Variants in ANKRA2 observed in about 807,000 individuals in gnomAD.
ANKRA2 encodes ankyrin repeat family A member 2, also known as ankyrin repeat family A protein 2.
In ANKRA2, 33 loss-of-function variants were observed where a neutral mutation model predicts 37.8. The ratio of observed to expected loss-of-function variants is 0.87; its 90% CI spans 0.66 to 1.17. The LOEUF is 1.17. Among genes scored for constraint, ANKRA2 ranks in the 50% most tolerant of loss-of-function variants. The probability of loss-of-function intolerance (pLI) is 0.00; values close to 1 mark genes in which losing one functional copy is unlikely to be tolerated. For synonymous variants in ANKRA2, 126 were observed against 132.3 expected, an observed-to-expected ratio of 0.95 and a Z score of 0.33; for missense variants, 326 against 373.7, an observed-to-expected ratio of 0.87 and a Z score of 1.05.
At chr5:73,555,053 A>G (rs967263169) in intron 5 of ANKRA2, 67 bp from the exon 6 acceptor site, 3 of 1,559,386 alleles carry the variant, frequency 1.9e-6, no homozygotes. Context: ...TATTCCTGTC[A>G]ACAATAATTA....
chr5:73,560,279 C>A (rs1056930993), intron 3 of ANKRA2, among the ~76,000 whole-genome samples: 2 of 152,124 alleles, frequency 1.3e-5, no homozygotes, highest in Admixed American at 6.6e-5. Context: ...AAATCTATCA[C>A]CTCACATACT....
chr5:73,563,178 T>C (rs1401133527), intron 1 of ANKRA2, among the ~76,000 whole-genome samples, 193 bp from the exon 2 acceptor site: 1 of 152,224 alleles, frequency 6.6e-6, no homozygotes, highest in East Asian at 1.9e-4. Flanking sequence ...GTGTGACCTG[T>C]AGAAGTTACT....
At chr5:73,557,126 C>T (rs1217515115) in intron 4 of ANKRA2, among the ~76,000 whole-genome samples, 2 of 150,582 alleles carry the variant, frequency 1.3e-5, no homozygotes, top group Admixed American at 6.6e-5. Flanking sequence ...ACATAGAACA[C>T]GTACATGCAA....
At position 73,565,484 on chromosome 5, in the gene ANKRA2, G is replaced by A. The variant is rs343108; in HGVS notation, c.-457C>T. ...CTAAAAAACGTTCCGCAGCAATGCA[G>A]CTGAAACTTTCGGGTTTTCTTTTTT... On this transcript the variant is annotated 5_prime_UTR_variant, in exon 1 of 9. Transcript: ENST00000296785. 0.18 allele frequency: 45,455 copies of A among 257,552 alleles called. 4,633 individuals are homozygous for A. Among genetic ancestry groups the A allele is most frequent in the Non-Finnish European group, 0.22 (27,836 of 128,038 alleles). 16.0% of individuals were successfully genotyped at this position (257,552 alleles called of 1,614,324 possible).
chr5:73,563,392 T>C (rs1035102825), intron 1 of ANKRA2, among the ~76,000 whole-genome samples: 2 of 152,204 alleles, frequency 1.3e-5, no homozygotes, highest in South Asian at 2.1e-4. Context: ...ACAATGAAAA[T>C]AAACTTTAAT....
At chr5:73,556,409 A>G (rs930637110) in intron 4 of ANKRA2, among the ~76,000 whole-genome samples, 4 of 152,334 alleles carry the variant, frequency 2.6e-5, no homozygotes, top group Admixed American at 2.0e-4. Context: ...CAGTTTTGGG[A>G]CAACTGGCTA....
intron 6 of ANKRA2, 142 bp from the exon 7 acceptor site, chr5:73,554,530 GAACT>G (rs1747346060): frequency 8.1e-6 from 5 of 618,586 alleles, no homozygotes; most frequent in East Asian, 5.8e-5. Flanking sequence ...ACTTAAATCA[GAACT>G]AATAATTGAG....
intron 3 of ANKRA2, among the ~76,000 whole-genome samples, chr5:73,559,927 TA>T (rs1447694957): frequency 6.6e-6 from 1 of 151,908 alleles, no homozygotes; most frequent in Non-Finnish European, 1.5e-5. Context: ...CCTAGCTAAT[TA>T]AAAAAAATTT....
At chr5:73,557,463 T>A in intron 4 of ANKRA2, 112 bp downstream of exon 4, 1 of 537,030 alleles carries the variant, frequency 1.9e-6, no homozygotes, top group Admixed American at 4.1e-5. Context: ...GCCTGGTGAG[T>A]TTATGTAACT....
chr5:73,562,746 G>A lies in ANKRA2; in HGVS notation c.136C>T (p.Gln46Ter), dbSNP rs1580381509. 2 of 1,614,038 alleles carry A rather than the reference G, an allele frequency of 1.2e-6. No individual in the cohort carries two copies. The highest frequency in any genetic ancestry group is 8.5e-7 in the Non-Finnish European group (1 of 1,180,044). ...LDPNSEEGSAQGVAMGMKFIL... is the reference protein window; with the variant it reads ...LDPNSEEGSA ...AATTTCATTCCCATGGCAACACCCT[G>A]AGCTGACCCTTCTTCTGAATTTGGG... is the stretch of plus-strand genomic sequence containing the variant. Residue 46 changes from glutamine (Q) to a stop codon, truncating the protein, a stop_gained, in exon 2 of 9, where the codon CAG (glutamine) becomes TAG (stop). Coordinates refer to ENST00000296785, the MANE Select transcript of ANKRA2 (RefSeq NM_023039.5). LOFTEE classifies it high-confidence loss of function.
chr5:73,562,198 G>A (rs1239947348), intron 2 of ANKRA2, among the ~76,000 whole-genome samples: 1 of 151,852 alleles, frequency 6.6e-6, no homozygotes, highest in Non-Finnish European at 1.5e-5. Flanking sequence ...TGTATTTTTA[G>A]TAGAGACGAG....
rs955772299 is a variant in ANKRA2, at chr5:73,553,466, T to C, written c.826A>G (p.Ile276Val). 2.5e-6 allele frequency: 4 copies of C among 1,613,366 alleles called. No homozygotes were observed. Among genetic ancestry groups the C allele is most frequent in the Non-Finnish European group, 3.4e-6 (4 of 1,179,548 alleles). Residue 276 changes from isoleucine (I) to valine (V), a missense_variant, in exon 8 of 9, where the codon ATT (isoleucine) becomes GTT (valine). Ile to Val is a conservative substitution (Grantham distance 29). This residue lies in a region of ANKRA2 where 228 missense variants were observed against 260.2 expected (regional missense o/e 0.88). Transcript: ENST00000296785. ...GAATTATATCCAGAGTCAGTTTCAA[T>C]TGTTGGATCAGCCCCACTTTCTATA... ...MLLESGADPT[I>V]ETDSGYNSMD...
chr5:73,555,023 A>G (rs759853416), intron 5 of ANKRA2, 37 bp from the exon 6 acceptor site: 1 of 1,590,958 alleles, frequency 6.3e-7, no homozygotes, highest in Non-Finnish European at 8.5e-7. Context: ...CTTCTCAATT[A>G]GTTTAAACAA....
intron 4 of ANKRA2, among the ~76,000 whole-genome samples, chr5:73,556,136 C>T (rs1489773149): frequency 2.6e-5 from 4 of 152,306 alleles, no homozygotes; most frequent in South Asian, 4.1e-4. Context: ...GGTTTGCTAA[C>T]ATAATGTTAT....
intron 1 of ANKRA2, among the ~76,000 whole-genome samples, chr5:73,563,358 C>A (rs1747606972): frequency 6.6e-6 from 1 of 152,162 alleles, no homozygotes; most frequent in Admixed American, 6.5e-5. Context: ...CTGAATATCA[C>A]CAAATGGATA....
In ANKRA2 at chr5:73,553,414, T is replaced by G; in HGVS notation, c.878A>C (p.Tyr293Ser). Residue 293 changes from tyrosine to serine, a missense_variant, in exon 8 of 9, where the codon TAT becomes TCT. Tyr to Ser is a moderately radical substitution (Grantham distance 144). This residue lies in a region of ANKRA2 where 228 missense variants were observed against 260.2 expected (regional missense o/e 0.88). Transcript: ENST00000296785. ...NSMDLAVALG[Y>S]RSVQQVIESH... Reference sequence around the variant, plus strand: ...AGTTCTAACATACTTACCACTTCTATAGCCTAGGGCTACAGCTAGATCCAT... The same window carrying G: ...AGTTCTAACATACTTACCACTTCTAGAGCCTAGGGCTACAGCTAGATCCAT... 6.2e-7 allele frequency: 1 copy of G among 1,612,054 alleles called. No individual in the cohort carries two copies. The highest frequency in any genetic ancestry group is 8.5e-7 in the Non-Finnish European group (1 of 1,178,658).
In ANKRA2 at chr5:73,556,096, T is replaced by C. The variant is rs560809406; in HGVS notation, c.515-511A>G. On this transcript the variant is annotated intron_variant, in intron 4 of 8. Transcript: ENST00000296785. ...GCTATCTTCTACTCCATAGCTAACATTGCTGCCTGTGAATTTCTCTCATTC... is the reference window on the plus strand; with the variant it reads ...GCTATCTTCTACTCCATAGCTAACACTGCTGCCTGTGAATTTCTCTCATTC... Among the ~76,000 whole-genome samples, 10 of 152,348 alleles carry C rather than the reference T, an allele frequency of 6.6e-5. No individual in the cohort carries two copies. The South Asian group carries it at 1.7e-3, about 25-fold the overall frequency.
intron 4 of ANKRA2, among the ~76,000 whole-genome samples, chr5:73,556,925 T>C (rs960888865): frequency 1.3e-5 from 2 of 151,068 alleles, no homozygotes; most frequent in African/African-American, 4.8e-5. Context: ...ACAGAAACTC[T>C]AGCTCTTGTG....
At position 73,559,380 on chromosome 5, in the gene ANKRA2, G is replaced by T. The variant is rs556886263; in HGVS notation, c.449-1740C>A. The stretch of plus-strand genomic sequence containing the variant: ...TTTTTTAACATACTTATACTATATA[G>T]AATATTTTTGTATTTTAAATAGAAA... On this transcript the variant is annotated intron_variant, in intron 3 of 8. Transcript: ENST00000296785. 4.6e-5 allele frequency among the ~76,000 whole-genome samples: 7 copies of T among 151,844 alleles called. No individual in the cohort carries two copies. In the South Asian group the frequency reaches 1.2e-3, roughly 27 times the overall value.
Sources: gnomAD v4.1 joint callset for allele counts (sites outside exome capture counted in the v4.1 genomes callset) on GRCh38, gnomAD v4.1.1 for gene constraint, gnomAD v4.1.1 regional missense constraint, MANE v1.5 for transcripts, NCBI Gene and HGNC (gene_info 2026-07-23, HGNC 2026-07-21) for gene names.